LAMA2: variants seen among roughly 807,000 people sequenced by gnomAD.
LAMA2 encodes laminin subunit alpha 2, also known as laminin subunit alpha-2.
LAMA2 carries 269 observed loss-of-function variants against 364.8 expected under a neutral mutation model. That is an observed-to-expected ratio of 0.74 (90% CI 0.67 to 0.82). LAMA2 has a LOEUF of 0.82. LAMA2 is among the 40% of genes least tolerant of loss of function. LAMA2 has a pLI of 0.00. For missense variants in LAMA2, 3,807 were observed against 3,873.2 expected (o/e 0.98, Z 0.45); for synonymous variants, 1,379 against 1,370.6 (o/e 1.01, Z -0.14).
At chr6:129,168,606 C>T (rs2114998679) in intron 9 of LAMA2, among the ~76,000 whole-genome samples, 1 of 147,272 alleles carries the variant, frequency 6.8e-6, no homozygotes, top group Middle Eastern at 3.5e-3. Context: ...TGTGATGCCT[C>T]CAGCTTTGTT....
intron 18 of LAMA2, among the ~76,000 whole-genome samples, chr6:129,284,938 G>A (rs1788995595): frequency 6.6e-6 from 1 of 152,060 alleles, no homozygotes; most frequent in South Asian, 2.1e-4. Context: ...CCTTTGTTAT[G>A]TCAAGATATC....
At chr6:129,250,946 T>C (rs766514565) in intron 13 of LAMA2, among the ~76,000 whole-genome samples, 5 of 151,932 alleles carry the variant, frequency 3.3e-5, no homozygotes, top group Admixed American at 6.6e-5. Flanking sequence ...AATGAAAAAT[T>C]CTTTTCTCAA....
intron 51 of LAMA2, among the ~76,000 whole-genome samples, chr6:129,468,205 G>C (rs2114815149): frequency 6.6e-6 from 1 of 151,726 alleles, no homozygotes; most frequent in South Asian, 2.1e-4. Flanking sequence ...TATCTCTATG[G>C]TATCACCGTT....
chr6:128,977,266 CT>C (rs34859670), intron 1 of LAMA2, among the ~76,000 whole-genome samples: 22,688 of 132,776 alleles, frequency 0.17, 2,184 homozygotes, highest in African/African-American at 0.31. Flanking sequence ...TTTATTCTTT[CT>C]TTTTTTTTTT....
At chr6:128,908,436 G>C (rs1383414747) in intron 1 of LAMA2, among the ~76,000 whole-genome samples, 1 of 149,702 alleles carries the variant, frequency 6.7e-6, no homozygotes, top group Non-Finnish European at 1.5e-5. Flanking sequence ...GGTGTTTATA[G>C]TATTCTCTGA....
Position 129,373,469 on chromosome 6 carries a change from G to A in LAMA2, c.4959+3479G>A, listed in dbSNP as rs142450468. ...TGTCATATACATGTTATATACATGT[G>A]TCATATACATATTAGCTCATATACA... On this transcript the variant is annotated intron_variant, in intron 34 of 64. Transcript: ENST00000421865. Among the ~76,000 whole-genome samples the A allele has an allele frequency of 3.3e-5, 5 of 152,112 alleles. No homozygotes were observed. The East Asian group carries it at 9.6e-4, about 29-fold the overall frequency.
intron 3 of LAMA2, among the ~76,000 whole-genome samples, chr6:129,080,880 A>G (rs1301368328): frequency 1.3e-5 from 2 of 152,186 alleles, no homozygotes; most frequent in East Asian, 3.8e-4. Context: ...TGACCCAGCC[A>G]TCCCATTACT....
At chr6:129,119,936 A>G (rs896620188) in intron 4 of LAMA2, among the ~76,000 whole-genome samples, 1 of 152,206 alleles carries the variant, frequency 6.6e-6, no homozygotes, top group African/African-American at 2.4e-5. Flanking sequence ...CCATTGTTTT[A>G]ATTATCAAAA....
chr6:129,122,472 A>G (rs560725531), intron 4 of LAMA2, among the ~76,000 whole-genome samples: 1 of 152,330 alleles, frequency 6.6e-6, no homozygotes, highest in Admixed American at 6.5e-5. Flanking sequence ...TTCATGTGCT[A>G]TTCTTTGCTT....
At chr6:129,161,514 C>T (rs551403540) in intron 8 of LAMA2, among the ~76,000 whole-genome samples, 2 of 151,876 alleles carry the variant, frequency 1.3e-5, no homozygotes, top group East Asian at 1.9e-4. Context: ...TTAGCAGTAC[C>T]TCTTTGTATA....
At chr6:128,982,723 A>G (rs1782965513) in intron 1 of LAMA2, among the ~76,000 whole-genome samples, 1 of 149,816 alleles carries the variant, frequency 6.7e-6, no homozygotes, top group Non-Finnish European at 1.5e-5. Flanking sequence ...GTCATTTAGC[A>G]TTAGGTATAT....
chr6:129,240,044 C>T (rs1320372024), intron 12 of LAMA2, among the ~76,000 whole-genome samples: 1 of 152,130 alleles, frequency 6.6e-6, no homozygotes, highest in East Asian at 1.9e-4. Context: ...GCCGAAGGCC[C>T]GAGAGCCCGT....
At position 129,506,357 on chromosome 6, in the gene LAMA2, A is replaced by C. The variant is rs1786074106; in HGVS notation, c.8703+1002A>C. Reference sequence around the variant, plus strand: ...AACAGAGCGAGACCCTGTCTCAAAAAAATAAATAAATAAATAAATAAAAAT... The same window carrying C: ...AACAGAGCGAGACCCTGTCTCAAAACAATAAATAAATAAATAAATAAAAAT... On this transcript the variant is annotated intron_variant, in intron 61 of 64. Transcript: ENST00000421865. Among the ~76,000 whole-genome samples the C allele has an allele frequency of 2.6e-5, 4 of 151,708 alleles. No individual in the cohort carries two copies. In the South Asian group the frequency reaches 8.3e-4, roughly 31 times the overall value.
intron 41 of LAMA2, among the ~76,000 whole-genome samples, chr6:129,436,672 C>T (rs185561778): frequency 4.6e-5 from 7 of 152,220 alleles, no homozygotes; most frequent in South Asian, 4.1e-4. Context: ...TCAATCTGCA[C>T]GTCCACTAGC....
At chr6:128,945,762 A>G (rs974042838) in intron 1 of LAMA2, among the ~76,000 whole-genome samples, 25 of 152,216 alleles carry the variant, frequency 1.6e-4, no homozygotes, top group African/African-American at 5.5e-4. Context: ...TACACATCCT[A>G]TATGATCCCC....
intron 1 of LAMA2, among the ~76,000 whole-genome samples, chr6:129,015,698 T>C (rs1785025384): frequency 6.6e-6 from 1 of 152,114 alleles, no homozygotes; most frequent in East Asian, 1.9e-4. Context: ...TTTCTTTTTA[T>C]GTAGTCTGCA....
chr6:129,233,727 A>G (rs1182102550), intron 12 of LAMA2, among the ~76,000 whole-genome samples: 3 of 152,162 alleles, frequency 2.0e-5, no homozygotes, highest in Non-Finnish European at 4.4e-5. Context: ...TTCAGGTGTC[A>G]ACTGTATATG....
intron 51 of LAMA2, among the ~76,000 whole-genome samples, chr6:129,467,909 A>G (rs987192602): frequency 6.6e-6 from 1 of 151,928 alleles, no homozygotes; most frequent in Admixed American, 6.6e-5. Context: ...TACTAGAGCT[A>G]CTAACTGTTA....
intron 1 of LAMA2, among the ~76,000 whole-genome samples, chr6:128,889,364 C>T (rs1400075982): frequency 6.6e-6 from 1 of 152,074 alleles, no homozygotes; most frequent in Non-Finnish European, 1.5e-5. Context: ...TGAAATGCTA[C>T]CTGTTTTACA....
Sources: gnomAD v4.1 joint callset for allele counts (sites outside exome capture counted in the v4.1 genomes callset) on GRCh38, gnomAD v4.1.1 for gene constraint, MANE v1.5 for transcripts, NCBI Gene and HGNC (gene_info 2026-07-23, HGNC 2026-07-21) for gene names.